PTPA: variants seen among roughly 807,000 people sequenced by gnomAD.
PTPA encodes the protein protein phosphatase 2 phosphatase activator.
PTPA carries 13 observed loss-of-function variants against 43.6 expected under a neutral mutation model. The ratio of observed to expected loss-of-function variants is 0.30; its 90% CI spans 0.19 to 0.47. The LOEUF (loss-of-function observed/expected upper bound fraction) is 0.47. PTPA is among the 20% of genes least tolerant of loss of function. The pLI, the probability that PTPA is intolerant of heterozygous loss-of-function variation, is 0.99. For synonymous variants in PTPA, 172 were observed against 158.2 expected (o/e 1.09, Z -0.66); for missense variants, 329 against 411.9 (o/e 0.80, Z 1.74).
At position 129,123,403 on chromosome 9, in the gene PTPA, C is replaced by T. The variant is rs34109546; in HGVS notation, c.216+265C>T. The stretch of plus-strand genomic sequence containing the variant: ...AGGAGAATGGTGTGAACCCAGGAGG[C>T]AGAGCTTGCAGTGAGCTGAGATCGC... On this transcript the variant is annotated intron_variant, in intron 3 of 9. Transcript: ENST00000393370. 0.025 allele frequency among the ~76,000 whole-genome samples: 3,759 copies of T among 151,460 alleles called. 59 individuals carry two copies. The highest frequency in any genetic ancestry group is 0.058 in the Middle Eastern group (17 of 294).
intron 8 of PTPA, chr9:129,138,147 C>T (rs1448212055): frequency 8.6e-6 from 2 of 231,304 alleles, no homozygotes; most frequent in East Asian, 1.0e-4. Context: ...CGAAGGGACA[C>T]GTCTCTGTCA....
At chr9:129,111,793 T>G (rs1588473875) in intron 1 of PTPA, 162 bp downstream of exon 1, 778 of 1,041,738 alleles carry the variant, frequency 7.5e-4, no homozygotes, top group East Asian at 5.6e-3. Flanking sequence ...AGGGGAGAGG[T>G]GGGTGGTGGG....
chr9:129,142,760 C>T, intron 9 of PTPA: 1 of 1,536,440 alleles, frequency 6.5e-7, no homozygotes, highest in Non-Finnish European at 8.7e-7. Context: ...CCACCCCAGC[C>T]CCGAAAAGCT....
intron 9 of PTPA, among the ~76,000 whole-genome samples, chr9:129,144,883 AT>A (rs1341624017): frequency 6.6e-6 from 1 of 152,066 alleles, no homozygotes; most frequent in African/African-American, 2.4e-5. Context: ...AAATATAAAA[AT>A]TAGCTGGGTG....
At chr9:129,117,729 A>C (rs1848973591) in intron 1 of PTPA, among the ~76,000 whole-genome samples, 1 of 118,236 alleles carries the variant, frequency 8.5e-6, no homozygotes, top group South Asian at 2.7e-4. Flanking sequence ...AGACAGTCTC[A>C]CTCTGTCACC....
rs35064318 is a variant in PTPA at position 129,144,736 on chromosome 9, C to CA, written c.894+2203dup. Among the ~76,000 whole-genome samples, 645 of 107,992 alleles carry CA rather than the reference C, an allele frequency of 6.0e-3. 9 individuals carry two copies. The highest frequency in any genetic ancestry group is 0.022 in the African/African-American group (603 of 26,816). 70.8% of individuals were successfully genotyped at this position (107,992 alleles called of 152,430 possible). A position where few individuals can be genotyped will look rare whatever the true frequency, so the allele number is the denominator to read the frequency against. On this transcript the variant is annotated intron_variant, in intron 9 of 9. Transcript: ENST00000393370. ...CCTGGGCGACAGAGCGAGACTCTCT[C>CA]AAAAAAAAAAAAAAAAAAAGATCAC...
At chr9:129,145,551 G>T (rs1272309475) in intron 9 of PTPA, among the ~76,000 whole-genome samples, 2 of 152,292 alleles carry the variant, frequency 1.3e-5, no homozygotes, top group African/African-American at 4.8e-5. Flanking sequence ...GGGTAGGAAG[G>T]CTGGGTCTCC....
chr9:129,120,448 G>T lies in PTPA; in HGVS notation c.32-65G>T, dbSNP rs559731793. 246 of 1,085,500 alleles carry T rather than the reference G, an allele frequency of 2.3e-4. 1 individual carries two copies. In the African/African-American group the frequency reaches 3.8e-3, roughly 17 times the overall value. The allele number at this position is 1,085,500 out of a possible 1,614,324, so 67.2% of individuals were successfully genotyped here. ...TCAAGAAAAAAAAAAAAGGTGAAAG[G>T]GAGTGTGTGTGTTGTAGGGGAGGAT... On this transcript the variant is annotated intron_variant, in intron 1 of 9. Coordinates refer to ENST00000393370, the MANE Select transcript of PTPA (RefSeq NM_178000.3).
intron 9 of PTPA, among the ~76,000 whole-genome samples, chr9:129,146,350 T>C (rs1851301370): frequency 6.6e-6 from 1 of 152,152 alleles, no homozygotes; most frequent in Admixed American, 6.5e-5. Flanking sequence ...TTTGGCCCAC[T>C]CGTCACCCTG....
At chr9:129,128,518 A>G (rs1849732638) in intron 3 of PTPA, among the ~76,000 whole-genome samples, 1 of 148,890 alleles carries the variant, frequency 6.7e-6, no homozygotes, top group Admixed American at 6.7e-5. Context: ...CCTGGGCAAC[A>G]AGAGCGAAAC....
Position 129,127,935 on chromosome 9 carries a change from A to G in PTPA, c.217-1050A>G, listed in dbSNP as rs1379219276. On this transcript the variant is annotated intron_variant, in intron 3 of 9. Coordinates refer to ENST00000393370, the MANE Select transcript of PTPA (RefSeq NM_178000.3). ...GATGAAATGTTATTCACTTAGTAAA[A>G]GTTGTCATAAGATTATGTTTATATG... 9 of 1,271,764 alleles carry G rather than the reference A, an allele frequency of 7.1e-6. No individual in the cohort carries two copies. In the South Asian group the frequency reaches 7.5e-5, roughly 11 times the overall value. 78.8% of individuals were successfully genotyped at this position (1,271,764 alleles called of 1,614,324 possible). A position where few individuals can be genotyped will look rare whatever the true frequency, so the allele number is the denominator to read the frequency against.
chr9:129,132,293 A>G (rs889367903), intron 5 of PTPA, among the ~76,000 whole-genome samples: 1 of 152,086 alleles, frequency 6.6e-6, no homozygotes, highest in African/African-American at 2.4e-5. Context: ...GCAAGACTCC[A>G]TCTCTTTTTT....
intron 8 of PTPA, 80 bp from the exon 9 acceptor site, chr9:129,142,365 G>A: frequency 7.8e-7 from 1 of 1,274,002 alleles, no homozygotes. Context: ...TGCATGCATG[G>A]GTGTGACTTT....
At chr9:129,125,812 A>G (rs143796034) in intron 3 of PTPA, among the ~76,000 whole-genome samples, 2 of 152,324 alleles carry the variant, frequency 1.3e-5, no homozygotes, top group East Asian at 1.9e-4. Flanking sequence ...TGTTACCATT[A>G]GGCATTAGTC....
intron 1 of PTPA, among the ~76,000 whole-genome samples, chr9:129,114,114 C>T (rs112233888): frequency 5.9e-5 from 9 of 152,236 alleles, no homozygotes; most frequent in African/African-American, 1.2e-4. Context: ...CTGCAACCTC[C>T]GCCTCCTGAG....
At chr9:129,114,025 T>G (rs573453821) in intron 1 of PTPA, among the ~76,000 whole-genome samples, 1 of 152,042 alleles carries the variant, frequency 6.6e-6, no homozygotes. Context: ...TGGAAAGAAC[T>G]TCTTCTTTTT....
intron 1 of PTPA, among the ~76,000 whole-genome samples, chr9:129,115,195 C>T (rs10760588): frequency 0.58 from 87,523 of 152,026 alleles, 27,872 homozygotes; most frequent in Non-Finnish European, 0.7. Flanking sequence ...ACACATTTTC[C>T]CATAAAAGCA....
chr9:129,132,533 C>T (rs895753906), intron 5 of PTPA, among the ~76,000 whole-genome samples: 5 of 152,136 alleles, frequency 3.3e-5, no homozygotes, highest in African/African-American at 1.2e-4. Context: ...CAGAGTCTCA[C>T]TCTGTTGCCC....
chr9:129,136,408 C>T (rs1035258919), intron 6 of PTPA, 63 bp from the exon 7 acceptor site: 4 of 1,522,282 alleles, frequency 2.6e-6, no homozygotes, highest in Middle Eastern at 3.5e-4. Context: ...CTCCCAGTGG[C>T]CGAAAGGGTG....
Sources: gnomAD v4.1 joint callset for allele counts (sites outside exome capture counted in the v4.1 genomes callset) on GRCh38, gnomAD v4.1.1 for gene constraint, MANE v1.5 for transcripts, NCBI Gene and HGNC (gene_info 2026-07-23, HGNC 2026-07-21) for gene names.